SPTBN4: variants seen among roughly 807,000 people sequenced by gnomAD.
SPTBN4 encodes spectrin beta chain, non-erythrocytic 4.
In SPTBN4, 96 loss-of-function variants were observed where a neutral mutation model predicts 277.8. The ratio of observed to expected loss-of-function variants is 0.35; its 90% CI spans 0.29 to 0.41. The LOEUF (loss-of-function observed/expected upper bound fraction) is 0.41, where lower values mean the gene tolerates loss of function less well. SPTBN4 is among the 10% of genes least tolerant of loss of function. SPTBN4 has a pLI of 1.00. For missense variants in SPTBN4, 3,006 were observed against 3,595.7 expected, an observed-to-expected ratio of 0.84 and a Z score of 4.19; for synonymous variants, 1,481 against 1,580.3, an observed-to-expected ratio of 0.94 and a Z score of 1.49.
chr19:40,532,479 A>C (rs2080687469), intron 18 of SPTBN4, 146 bp from the exon 19 acceptor site: 2 of 1,026,376 alleles, frequency 1.9e-6, no homozygotes, highest in Non-Finnish European at 1.3e-6. Flanking sequence ...TAAAGGCCTC[A>C]CTTGCAAAGG....
In SPTBN4 at chr19:40,534,137, C is replaced by A. The variant is rs1161018909; in HGVS notation, c.4153C>A (p.Leu1385Met). ...ACTGGCGGCCTCCGTGCGGAAGAAGCTGGGCGAGATCCGCCAGTGCTGGGC... is the reference window on the plus strand; with the variant it reads ...ACTGGCGGCCTCCGTGCGGAAGAAGATGGGCGAGATCCGCCAGTGCTGGGC... ...PELAASVRKK[L>M]GEIRQCWAEL... The change falls in exon 20 of 36, where the codon CTG becomes ATG. Residue 1385 changes from leucine to methionine, a missense_variant. Around this residue, in one of 5 missense-constraint regions of SPTBN4, gnomAD observed 1,759 missense variants for 2,061.5 expected, o/e 0.85. Coordinates refer to ENST00000598249, the MANE Select transcript of SPTBN4 (RefSeq NM_020971.3). 6.2e-7 allele frequency: 1 copy of A among 1,612,092 alleles called. No homozygotes were observed. The highest frequency in any genetic ancestry group is 1.1e-5 in the South Asian group (1 of 90,814).
intron 26 of SPTBN4, 28 bp downstream of exon 26, chr19:40,557,431 G>A (rs1269470173): frequency 6.5e-7 from 1 of 1,534,206 alleles, no homozygotes; most frequent in Admixed American, 2.0e-5. Context: ...ATCAGGGCAG[G>A]TGGGAGGGCC....
intron 2 of SPTBN4, among the ~76,000 whole-genome samples, chr19:40,479,546 A>G (rs1056292614): frequency 2.6e-5 from 4 of 151,404 alleles, no homozygotes; most frequent in Non-Finnish European, 4.4e-5. Context: ...GGCCCAAGCA[A>G]TTCTCCCACC....
chr19:40,552,667 C>T (rs919230430), intron 22 of SPTBN4, among the ~76,000 whole-genome samples: 2 of 152,040 alleles, frequency 1.3e-5, no homozygotes, highest in Non-Finnish European at 2.9e-5. Flanking sequence ...ATTTTGGAAG[C>T]TTCCTGATCA....
At chr19:40,558,016 G>A (rs972489801) in intron 26 of SPTBN4, among the ~76,000 whole-genome samples, 2 of 151,970 alleles carry the variant, frequency 1.3e-5, no homozygotes, top group Non-Finnish European at 1.5e-5. Flanking sequence ...GGTCTAAAGG[G>A]AATTTTGAGA....
chr19:40,522,326 C>A (rs1470953640), intron 16 of SPTBN4, among the ~76,000 whole-genome samples: 2 of 150,116 alleles, frequency 1.3e-5, no homozygotes, highest in Non-Finnish European at 1.5e-5. Flanking sequence ...CCGTGCCCAG[C>A]CTTCAGTCTT....
Position 40,575,416 on chromosome 19 carries a change from G to A in SPTBN4, c.7542G>A (p.Glu2514=), listed in dbSNP as rs759080289. The change falls in exon 36 of 36, where the codon GAG becomes GAA. Residue 2514 remains glutamate (E), a synonymous_variant. Coordinates refer to ENST00000598249, the MANE Select transcript of SPTBN4 (RefSeq NM_020971.3). ...TGCCCTGTTTCTTCCCCCAGGAGGAGATGAACGGCTGGCTGGAGGCTGTAG... is the reference window on the plus strand; with the variant it reads ...TGCCCTGTTTCTTCCCCCAGGAGGAAATGAACGGCTGGCTGGAGGCTGTAG... The part of the protein sequence containing the change: ...EFLLQAKDEE[E]MNGWLEAVAS... The A allele has an allele frequency of 7.4e-6, 12 of 1,613,292 alleles. 1 individual carries two copies. The South Asian group carries it at 1.2e-4, about 16-fold the overall frequency.
chr19:40,520,335 G>C (rs1361466643), intron 16 of SPTBN4, among the ~76,000 whole-genome samples, 184 bp downstream of exon 16: 2 of 152,236 alleles, frequency 1.3e-5, no homozygotes, highest in Admixed American at 1.3e-4. Flanking sequence ...AGTGTGTGTG[G>C]AAGTGTGTAT....
At chr19:40,510,851 G>C (rs1599748269) in intron 13 of SPTBN4, among the ~76,000 whole-genome samples, 2 of 151,816 alleles carry the variant, frequency 1.3e-5, no homozygotes, top group Admixed American at 6.6e-5. Context: ...ATTTCTACAA[G>C]AAACTTAGAA....
chr19:40,541,807 C>T (rs369656540), intron 20 of SPTBN4, among the ~76,000 whole-genome samples: 7 of 152,276 alleles, frequency 4.6e-5, no homozygotes, highest in East Asian at 1.9e-4. Context: ...TGCAGTGGCG[C>T]GATCTTGGCT....
At chr19:40,520,287 G>C in intron 16 of SPTBN4, 136 bp downstream of exon 16, 1 of 964,346 alleles carries the variant, frequency 1.0e-6, no homozygotes, top group Non-Finnish European at 1.4e-6. Flanking sequence ...GGAGGTGAGA[G>C]AGTATCCGGA....
At position 40,554,434 on chromosome 19, in the gene SPTBN4, G is replaced by A. The variant is rs1180382860; in HGVS notation, c.4953+9G>A. On this transcript the variant is annotated intron_variant, in intron 23 of 35. Transcript: ENST00000598249. The surrounding 1 kb of genome is among the most constrained non-coding windows in gnomAD (Gnocchi z 5.7). ...GTGAGGACAAGGGCAAGGTGCGCCC[G>A]AGCTGGGGGTGCGGAGGGCCTGGGG... is the stretch of plus-strand genomic sequence containing the variant. 6.5e-7 allele frequency: 1 copy of A among 1,547,810 alleles called. No individual in the cohort carries two copies. Among genetic ancestry groups the A allele is most frequent in the East Asian group, 2.4e-5 (1 of 42,072 alleles).
rs747605092 is a variant in SPTBN4, at chr19:40,556,241, G to C, written c.5242G>C (p.Val1748Leu). ...ELEHWIAEKE[V>L]VAGSPELGQD... is the part of the protein sequence containing the mutation. Reference sequence around the variant, plus strand: ...TGAGCACTGGATTGCCGAGAAGGAGGTGGTGGCTGGCTCACCCGAGCTCGG... The same window carrying C: ...TGAGCACTGGATTGCCGAGAAGGAGCTGGTGGCTGGCTCACCCGAGCTCGG... Residue 1748 changes from valine (V) to leucine (L), a missense_variant, in exon 25 of 36, where the codon GTG (valine) becomes CTG (leucine). Val to Leu is a conservative substitution (Grantham distance 32). Around this residue, in one of 5 missense-constraint regions of SPTBN4, gnomAD observed 425 missense variants for 594.7 expected, o/e 0.71. Coordinates refer to ENST00000598249, the MANE Select transcript of SPTBN4 (RefSeq NM_020971.3). 1.2e-6 allele frequency: 2 copies of C among 1,613,564 alleles called. No homozygotes were observed. Among genetic ancestry groups the C allele is most frequent in the Non-Finnish European group, 1.7e-6 (2 of 1,179,930 alleles).
intron 27 of SPTBN4, among the ~76,000 whole-genome samples, chr19:40,564,947 A>G (rs1215706925): frequency 6.6e-6 from 1 of 152,018 alleles, no homozygotes; most frequent in East Asian, 1.9e-4. Flanking sequence ...TGAACCATGG[A>G]CCCTCAGAAT....
chr19:40,489,470 T>A (rs1221149873), intron 3 of SPTBN4, among the ~76,000 whole-genome samples: 1 of 151,970 alleles, frequency 6.6e-6, no homozygotes. Flanking sequence ...AACAGCAGCC[T>A]CCGCTTCCCG....
At position 40,519,855 on chromosome 19, in the gene SPTBN4, A is replaced by G. The variant is rs900862549; in HGVS notation, c.3358A>G (p.Asn1120Asp). The G allele has an allele frequency of 6.8e-7, 1 of 1,462,196 alleles. No individual in the cohort carries two copies. Among genetic ancestry groups the G allele is most frequent in the East Asian group, 2.7e-5 (1 of 37,110 alleles). 90.6% of individuals were successfully genotyped at this position (1,462,196 alleles called of 1,614,324 possible). ...GGGCGGCAGCGAGGGGCCCCTGCCCAACAGCCTAGAAGAGGCGGACGCGCT... is the reference window on the plus strand; with the variant it reads ...GGGCGGCAGCGAGGGGCCCCTGCCCGACAGCCTAGAAGAGGCGGACGCGCT... Reference protein sequence around the residue: ...AAGGSEGPLPNSLEEADALLA... With the variant: ...AAGGSEGPLPDSLEEADALLA... Residue 1120 changes from asparagine to aspartate, a missense_variant, in exon 16 of 36, where the codon AAC (asparagine) becomes GAC (aspartate). Transcript: ENST00000598249. The surrounding 1 kb of genome is among the most constrained non-coding windows in gnomAD (Gnocchi z 5.7).
Position 40,567,878 on chromosome 19 carries a change from G to A in SPTBN4, c.6552G>A (p.Lys2184=). The A allele has an allele frequency of 6.6e-7, 1 of 1,524,942 alleles. No homozygotes were observed. Among genetic ancestry groups the A allele is most frequent in the Non-Finnish European group, 8.8e-7 (1 of 1,138,722 alleles). The allele number at this position is 1,524,942 out of a possible 1,614,324, so 94.5% of individuals were successfully genotyped here. The change falls in exon 31 of 36, where the codon AAG becomes AAA. Residue 2184 remains lysine (K), a synonymous_variant. Transcript: ENST00000598249. ...TGGGGTATGTGCGCCAGGAGCTCAA[G>A]CCCGAGCGCCTCCAGCCGCGCATTG... ...TRVGYVRQEL[K]PERLQPRIDR... is the part of the protein sequence containing the mutation.
rs1012652834 is a variant in SPTBN4, at chr19:40,575,617, A to C, written c.*48A>C. The C allele has an allele frequency of 1.3e-6, 2 of 1,557,284 alleles. No individual in the cohort carries two copies. Among genetic ancestry groups the C allele is most frequent in the Non-Finnish European group, 1.7e-6 (2 of 1,150,634 alleles). ...ACATCTCGTCTCCCCTCTTTTCCGC[A>C]CTGTGGGCACAAAGACACTTTTTCT... is the stretch of plus-strand genomic sequence containing the variant. On this transcript the variant is annotated 3_prime_UTR_variant, in exon 36 of 36. Transcript: ENST00000598249.
intron 5 of SPTBN4, among the ~76,000 whole-genome samples, chr19:40,493,535 T>G (rs542552299): frequency 2.0e-5 from 3 of 151,826 alleles, no homozygotes; most frequent in South Asian, 2.1e-4. Flanking sequence ...AGTTGTGGGG[T>G]TTTTTTTGTT....
Sources: gnomAD v4.1 joint callset for allele counts (sites outside exome capture counted in the v4.1 genomes callset) on GRCh38, gnomAD v4.1.1 for gene constraint, gnomAD v4.1.1 regional missense constraint, Gnocchi (gnomAD v3.1) non-coding constraint, MANE v1.5 for transcripts, NCBI Gene and HGNC (gene_info 2026-07-23, HGNC 2026-07-21) for gene names.